The following URI1 variants were observed in gnomAD, a reference collection of about 807,000 sequenced individuals.
URI1 encodes the protein URI1 prefoldin like chaperone, also known as unconventional prefoldin RPB5 interactor 1.
A neutral mutation model predicts 60.2 loss-of-function variants in URI1; 39 were observed. That is an observed-to-expected ratio of 0.65 (90% CI 0.50 to 0.85). URI1 has a LOEUF of 0.85. URI1 is among the 40% of genes least tolerant of loss of function. URI1 has a pLI of 0.00. For synonymous variants in URI1, 251 were observed against 236.8 expected (o/e 1.06, Z -0.55); for missense variants, 691 against 665.9 (o/e 1.04, Z -0.42).
intron 4 of URI1, chr19:30,004,491 G>C (rs1286830462): frequency 6.6e-6 from 1 of 152,024 alleles, no homozygotes; most frequent in Non-Finnish European, 1.5e-5. Context: ...ATCCTCTTCT[G>C]ATCTGCTTAC....
intron 4 of URI1, among the ~76,000 whole-genome samples, chr19:30,004,909 GT>G (rs1283464656): frequency 1.3e-5 from 2 of 151,932 alleles, no homozygotes; most frequent in Non-Finnish European, 2.9e-5. Flanking sequence ...AAAATGTGTT[GT>G]ATTTTCAGTC....
intron 2 of URI1, among the ~76,000 whole-genome samples, chr19:29,979,864 A>G (rs141436508): frequency 6.6e-6 from 1 of 152,162 alleles, no homozygotes; most frequent in Non-Finnish European, 1.5e-5. Context: ...AAATTACTGA[A>G]TATTTTGCCA....
At chr19:29,936,840 CCTT>C (rs2054977292) in intron 1 of URI1, among the ~76,000 whole-genome samples, 1 of 152,148 alleles carries the variant, frequency 6.6e-6, no homozygotes. Context: ...GCAACCTCCT[CCTT>C]CTTGATTCAA....
Position 29,932,568 on chromosome 19 carries a change from C to T in URI1, c.63+8814C>T, listed in dbSNP as rs200862494. ...CTGACCTCAGGTGATTCACCTGCCT[C>T]GGCCTCCCAAAGTGCTGGGATTACA... On this transcript the variant is annotated intron_variant, in intron 1 of 10. Transcript: ENST00000360605. 9.9e-5 allele frequency among the ~76,000 whole-genome samples: 15 copies of T among 151,918 alleles called. No individual in the cohort carries two copies. In the East Asian group the frequency reaches 2.5e-3, roughly 26 times the overall value.
At chr19:29,966,401 G>C (rs2055391799) in intron 1 of URI1, among the ~76,000 whole-genome samples, 1 of 152,148 alleles carries the variant, frequency 6.6e-6, no homozygotes, top group Admixed American at 6.5e-5. Flanking sequence ...GCCTCAAAGT[G>C]CTAAGATTAC....
intron 2 of URI1, among the ~76,000 whole-genome samples, chr19:29,979,124 G>A (rs2055561419): frequency 6.6e-6 from 1 of 152,096 alleles, no homozygotes; most frequent in Non-Finnish European, 1.5e-5. Flanking sequence ...GTGTAAAGTA[G>A]CAAAACCTAT....
chr19:30,005,385 TAAAA>T lies in URI1; in HGVS notation c.396_399del (p.Lys133Ter), dbSNP rs1568443871. On this transcript the variant is annotated frameshift_variant, in exon 5 of 11. Transcript: ENST00000392271. LOFTEE classifies it high-confidence loss of function. Reference sequence around the variant, plus strand: ...GATGTAAGAAAAACAATAGATGACTTAAAAAAAGTGATGAAAAATTTTGAATCCA... The same window carrying T: ...GATGTAAGAAAAACAATAGATGACTTAAAGTGATGAAAAATTTTGAATCCA... 6.2e-7 allele frequency: 1 copy of T among 1,600,682 alleles called. No individual in the cohort carries two copies. Among genetic ancestry groups the T allele is most frequent in the Non-Finnish European group, 8.5e-7 (1 of 1,174,004 alleles).
intron 4 of URI1, among the ~76,000 whole-genome samples, chr19:29,998,499 A>G (rs2055839989): frequency 6.6e-6 from 1 of 152,068 alleles, no homozygotes; most frequent in African/African-American, 2.4e-5. Context: ...GAGCTCTGTT[A>G]GGTATGTATG....
At position 30,012,537 on chromosome 19, in the gene URI1, T is replaced by G. The variant is rs980692206; in HGVS notation, c.1425+6T>G. 1 of 1,611,732 alleles carries G rather than the reference T, an allele frequency of 6.2e-7. No individual in the cohort carries two copies. The highest frequency in any genetic ancestry group is 8.5e-7 in the Non-Finnish European group (1 of 1,178,666). On this transcript the variant is annotated splice_donor_region_variant and intron_variant, in intron 10 of 10. Transcript: ENST00000392271. ...CCTTATCAGTAACACCTGAGGTGTG[T>G]GTGTGTATCTTTTAATTCTTTATTT...
chr19:29,947,395 C>T (rs940421725), intron 1 of URI1, among the ~76,000 whole-genome samples: 4 of 152,128 alleles, frequency 2.6e-5, no homozygotes, highest in Admixed American at 6.5e-5. Context: ...CTAGTTTTTG[C>T]CTGGAACTTT....
Position 29,958,000 on chromosome 19 carries a change from G to A in URI1, c.118-13193G>A, listed in dbSNP as rs1192803892. 2.0e-5 allele frequency: 3 copies of A among 151,036 alleles called. No homozygotes were observed. In the East Asian group the frequency reaches 5.8e-4, roughly 29 times the overall value. 9.4% of individuals were successfully genotyped at this position (151,036 alleles called of 1,614,324 possible). ...AGAGATGAGTTTGCTGTGTTGGCCAGACTAGTCTCCAACTCCAGGCCTCAA... is the reference window on the plus strand; with the variant it reads ...AGAGATGAGTTTGCTGTGTTGGCCAAACTAGTCTCCAACTCCAGGCCTCAA... On this transcript the variant is annotated intron_variant, in intron 1 of 10. Transcript: ENST00000392271.
In URI1 at chr19:29,986,798, T is replaced by G. The variant is rs1311794333; in HGVS notation, c.367+381T>G. Among the ~76,000 whole-genome samples, 5 of 152,210 alleles carry G rather than the reference T, an allele frequency of 3.3e-5. No individual in the cohort carries two copies. In the East Asian group the frequency reaches 9.6e-4, roughly 29 times the overall value. On this transcript the variant is annotated intron_variant, in intron 4 of 10. Transcript: ENST00000392271. Reference sequence around the variant, plus strand: ...CTTTAGTACACAGAAATAATGTGTTTTCTCCTTAGTGAACTAAGAGAAATA... The same window carrying G: ...CTTTAGTACACAGAAATAATGTGTTGTCTCCTTAGTGAACTAAGAGAAATA...
intron 2 of URI1, 104 bp from the exon 3 acceptor site, chr19:29,985,119 C>A (rs2055647616): frequency 1.6e-6 from 1 of 644,846 alleles, no homozygotes; most frequent in African/African-American, 4.1e-5. Context: ...CACTCTGTCT[C>A]AAAAAAAAAA....
rs1353266882 is a variant in URI1, at chr19:30,009,219, GA to G, written c.902del (p.Asp301ValfsTer25). The G allele has an allele frequency of 2.6e-5, 41 of 1,586,636 alleles. No individual in the cohort carries two copies. Among genetic ancestry groups the G allele is most frequent in the Non-Finnish European group, 3.2e-5 (37 of 1,159,656 alleles). ...NGSSSYHSDD[D>X]DDDDDDDDDD... ...TTCCAGTTCTTACCACAGTGATGAT[GA>G]TGATGATGATGATGATGACGACGAC... On this transcript the variant is annotated frameshift_variant, in exon 8 of 11. Coordinates refer to ENST00000392271, the MANE Select transcript of URI1 (RefSeq NM_003796.3). LOFTEE classifies it high-confidence loss of function.
At chr19:29,948,805 C>T (rs1009069799) in intron 1 of URI1, among the ~76,000 whole-genome samples, 4 of 152,186 alleles carry the variant, frequency 2.6e-5, no homozygotes, top group East Asian at 1.9e-4. Context: ...CTTTTCTATT[C>T]GACAAAACCG....
chr19:29,969,327 A>G (rs914207040), intron 1 of URI1, among the ~76,000 whole-genome samples: 7 of 152,174 alleles, frequency 4.6e-5, no homozygotes, highest in Non-Finnish European at 5.9e-5. Flanking sequence ...AGGGTAGACT[A>G]TGGGGAGTGA....
At chr19:30,011,654 G>C (rs1380072205) in intron 9 of URI1, among the ~76,000 whole-genome samples, 1 of 140,126 alleles carries the variant, frequency 7.1e-6, no homozygotes, top group Non-Finnish European at 1.5e-5. Flanking sequence ...GGAATTGTTT[G>C]TTGAGAAAAC....
chr19:29,957,013 A>G, intron 1 of URI1: 2 of 683,846 alleles, frequency 2.9e-6, no homozygotes, highest in Non-Finnish European at 5.0e-6. Flanking sequence ...CAGCAAAAAA[A>G]AGTGGCCCAG....
chr19:29,942,293 C>T lies in URI1; in HGVS notation c.-255C>T, dbSNP rs1236047814. 8.1e-6 allele frequency: 8 copies of T among 985,064 alleles called. No homozygotes were observed. Among genetic ancestry groups the T allele is most frequent in the African/African-American group, 1.8e-5 (1 of 57,110 alleles). 61.0% of individuals were successfully genotyped at this position (985,064 alleles called of 1,614,324 possible). ...CCTGGCTGGGCCCGCACCGGAGAGG[C>T]GTCTCGGTACCTGGCAGGCGGCCTG... On this transcript the variant is annotated 5_prime_UTR_variant, in exon 1 of 11. Transcript: ENST00000392271.
Sources: allele counts gnomAD v4.1 joint callset (sites outside exome capture counted in the v4.1 genomes callset), GRCh38; gene constraint gnomAD v4.1.1; transcripts MANE v1.5; gene names NCBI Gene and HGNC (gene_info 2026-07-23, HGNC 2026-07-21).